ARL17B: variants seen among roughly 807,000 people sequenced by gnomAD.
ARL17B encodes ARF like GTPase 17B.
At chr17:46,291,850 A>G (rs918590543) in intron 4 of ARL17B, among the ~76,000 whole-genome samples, 15 of 151,952 alleles carry the variant, frequency 9.9e-5, no homozygotes, top group African/African-American at 3.6e-4. Flanking sequence ...AGTCCCAGAT[A>G]CTTGGGAACC....
chr17:46,287,005 T>C (rs2049939105), intron 4 of ARL17B, among the ~76,000 whole-genome samples: 1 of 152,238 alleles, frequency 6.6e-6, no homozygotes, highest in South Asian at 2.1e-4. Context: ...GTAATTGTCG[T>C]TTTGAGCTGC....
intron 4 of ARL17B, among the ~76,000 whole-genome samples, chr17:46,278,820 G>A (rs113464453): frequency 0.11 from 17,003 of 149,140 alleles, no homozygotes; most frequent in Non-Finnish European, 0.17. Flanking sequence ...TTTTTGACAC[G>A]GAATTTTGCT....
chr17:46,277,865 T>C (rs2049635738), intron 4 of ARL17B, among the ~76,000 whole-genome samples: 1 of 152,190 alleles, frequency 6.6e-6, no homozygotes, highest in Admixed American at 6.5e-5. Context: ...CAGGCTGGTC[T>C]GGAACTCCTG....
intron 4 of ARL17B, among the ~76,000 whole-genome samples, chr17:46,287,452 G>T (rs548973128): frequency 2.6e-5 from 4 of 152,220 alleles, no homozygotes; most frequent in African/African-American, 9.7e-5. Context: ...CCAAGTAGAA[G>T]TTACACTACA....
intron 4 of ARL17B, among the ~76,000 whole-genome samples, chr17:46,281,397 C>CT (rs377017899): frequency 0.062 from 8,229 of 132,788 alleles, no homozygotes; most frequent in Non-Finnish European, 0.1. Flanking sequence ...TTATTCTTGT[C>CT]TTTTTTTTTT....
At chr17:46,307,831 G>A in intron 3 of ARL17B, among the ~76,000 whole-genome samples, 1 of 77,896 alleles carries the variant, frequency 1.3e-5, no homozygotes, top group African/African-American at 3.2e-5. Flanking sequence ...TGACCAACAT[G>A]GTGAAACCTG....
intron 4 of ARL17B, among the ~76,000 whole-genome samples, chr17:46,279,091 C>T (rs2049681508): frequency 6.6e-6 from 1 of 152,168 alleles, no homozygotes; most frequent in Non-Finnish European, 1.5e-5. Flanking sequence ...AGCCACTGTT[C>T]CTGGCCCAAT....
chr17:46,288,305 CTTTTTTTTTTT>C, intron 4 of ARL17B, among the ~76,000 whole-genome samples: 1 of 112,254 alleles, frequency 8.9e-6, no homozygotes, highest in African/African-American at 3.9e-5. Flanking sequence ...CCAGGCCCGG[CTTTTTTTTTTT>C]TTTTTTTTTT....
At chr17:46,281,015 C>T (rs1262017361) in intron 4 of ARL17B, among the ~76,000 whole-genome samples, 2 of 119,262 alleles carry the variant, frequency 1.7e-5, no homozygotes, top group Non-Finnish European at 4.4e-5. Flanking sequence ...TTTTCTTAAA[C>T]TTTTAGATTT....
intron 4 of ARL17B, among the ~76,000 whole-genome samples, chr17:46,291,883 C>T (rs1243129525): frequency 6.7e-6 from 1 of 148,958 alleles, no homozygotes; most frequent in Non-Finnish European, 1.5e-5. Flanking sequence ...ACTTACTGAT[C>T]TGGGTAGGGG....
At chr17:46,277,790 G>GCGTC (rs1319611295) in intron 4 of ARL17B, among the ~76,000 whole-genome samples, 49 of 151,736 alleles carry the variant, frequency 3.2e-4, no homozygotes, top group Admixed American at 5.9e-4. Context: ...GGGATTACAG[G>GCGTC]TGCCCACCCT....
chr17:46,354,607 T>TA (rs1416082841), intron 2 of ARL17B, among the ~76,000 whole-genome samples: 1 of 105,190 alleles, frequency 9.5e-6, no homozygotes, highest in Non-Finnish European at 1.9e-5. Context: ...TTTTCAAACT[T>TA]AAAAAAGAAA....
chr17:46,275,348 T>C, exon 5 of ARL17B: 1 of 963,726 alleles, frequency 1.0e-6, no homozygotes, highest in Non-Finnish European at 1.5e-6. Context: ...ACAAGATTCT[T>C]GCTGTGTTTT....
intron 4 of ARL17B, among the ~76,000 whole-genome samples, chr17:46,276,466 C>T (rs1219443683): frequency 1.3e-5 from 2 of 152,190 alleles, no homozygotes; most frequent in Non-Finnish European, 2.9e-5. Flanking sequence ...ACAGTGACCC[C>T]AACATCCAGT....
intron 4 of ARL17B, among the ~76,000 whole-genome samples, chr17:46,283,265 T>A (rs2049818798): frequency 6.6e-6 from 1 of 152,260 alleles, no homozygotes; most frequent in Admixed American, 6.5e-5. Flanking sequence ...TAATAAAATA[T>A]ACACTGAGAC....
chr17:46,298,749 T>C (rs577451574), downstream of ARL17B, among the ~76,000 whole-genome samples: 2 of 69,488 alleles, frequency 2.9e-5, no homozygotes, highest in African/African-American at 1.1e-4. Context: ...AAAAAAATGA[T>C]AGGAGGGAAG....
chr17:46,281,232 AC>A (rs1240629660), intron 4 of ARL17B, among the ~76,000 whole-genome samples: 2 of 151,854 alleles, frequency 1.3e-5, no homozygotes, highest in African/African-American at 4.8e-5. Flanking sequence ...TGCTCCCCCC[AC>A]CCCTCATAGA....
chr17:46,288,706 C>CTTTTTTTTTTTT (rs199591277), intron 4 of ARL17B, among the ~76,000 whole-genome samples: 3 of 138,984 alleles, frequency 2.2e-5, no homozygotes, highest in Non-Finnish European at 4.7e-5. Context: ...CTTGTTTTTT[C>CTTTTTTTTTTTT]TTTTTTTTTT....
intron 4 of ARL17B, among the ~76,000 whole-genome samples, chr17:46,281,062 G>A (rs2532322): frequency 0.14 from 20,615 of 149,972 alleles, 1,849 homozygotes; most frequent in Non-Finnish European, 0.21. Flanking sequence ...ATGTTGTAGC[G>A]GAAAAATCTG....
Sources: gnomAD v4.1 joint callset for allele counts (sites outside exome capture counted in the v4.1 genomes callset) on GRCh38, gnomAD v4.1.1 for gene constraint, MANE v1.5 for transcripts, NCBI Gene and HGNC (gene_info 2026-07-23, HGNC 2026-07-21) for gene names.